The following GTF2H5 variants were observed in gnomAD, a reference collection of about 807,000 sequenced individuals.
The protein encoded by GTF2H5 is general transcription factor IIH subunit 5, also known as TFB5 ortholog.
Under a neutral mutation model 7.1 loss-of-function variants are expected in GTF2H5, and 5 were observed. That is an observed-to-expected ratio of 0.71 (90% CI 0.37 to 1.49). The LOEUF (loss-of-function observed/expected upper bound fraction) is 1.49, where lower values mean the gene tolerates loss of function less well. Among genes scored for constraint, GTF2H5 ranks in the 40% most tolerant of loss-of-function variants. GTF2H5 has a pLI of 0.03. For synonymous variants in GTF2H5, 30 were observed against 31.7 expected, an observed-to-expected ratio of 0.95 and a Z score of 0.18; for missense variants, 80 against 83.0, an observed-to-expected ratio of 0.96 and a Z score of 0.14.
intron 1 of GTF2H5, among the ~76,000 whole-genome samples, chr6:158,169,151 T>G (rs2128427719): frequency 6.7e-6 from 1 of 149,262 alleles, no homozygotes; most frequent in Middle Eastern, 3.4e-3. Context: ...GGAGAATCGC[T>G]TGAGCCCGGG....
intron 2 of GTF2H5, among the ~76,000 whole-genome samples, chr6:158,182,050 G>A (rs2128430640): frequency 6.6e-6 from 1 of 152,322 alleles, no homozygotes; most frequent in South Asian, 2.1e-4. Context: ...TCCTTCAGGA[G>A]CTCTTGTAAG....
At chr6:158,186,464 T>A (rs1776921673) in intron 2 of GTF2H5, among the ~76,000 whole-genome samples, 1 of 152,276 alleles carries the variant, frequency 6.6e-6, no homozygotes, top group African/African-American at 2.4e-5. Flanking sequence ...ACAGCAATGT[T>A]TCAATGTCCA....
chr6:158,169,418 ATATATAATATATTG>A (rs1450819991), intron 1 of GTF2H5, among the ~76,000 whole-genome samples: 1 of 89,748 alleles, frequency 1.1e-5, no homozygotes, highest in Non-Finnish European at 1.9e-5. Flanking sequence ...ATTATATATT[ATATATAATATATTG>A]TATATTATAT....
chr6:158,187,063 C>T (rs890448624), intron 2 of GTF2H5, among the ~76,000 whole-genome samples: 1 of 150,978 alleles, frequency 6.6e-6, no homozygotes, highest in Non-Finnish European at 1.5e-5. Context: ...GGTGTGATCT[C>T]GGCCCACTAC....
At chr6:158,188,006 G>C (rs1776958709) in intron 2 of GTF2H5, among the ~76,000 whole-genome samples, 1 of 152,202 alleles carries the variant, frequency 6.6e-6, no homozygotes. Context: ...TAGCCAAGGG[G>C]AGGGTCCATC....
intron 2 of GTF2H5, among the ~76,000 whole-genome samples, chr6:158,182,397 A>G (rs1320876192): frequency 6.6e-6 from 1 of 151,986 alleles, no homozygotes; most frequent in African/African-American, 2.4e-5. Context: ...TGTTCTCTGT[A>G]TTTCCCGAAT....
chr6:158,175,044 G>GTGTGTATATATATGTGTGTGTGTGTA, intron 2 of GTF2H5, among the ~76,000 whole-genome samples: 1 of 142,794 alleles, frequency 7.0e-6, no homozygotes, highest in Admixed American at 7.1e-5. Context: ...GTGTGTGTGT[G>GTGTGTATATATATGTGTGTGTGTGTA]TATACACACA....
Position 158,194,349 on chromosome 6 carries a change from A to C in GTF2H5, c.*2192A>C, listed in dbSNP as rs1176509244. 6.6e-6 allele frequency: 1 copy of C among 152,238 alleles called. No individual in the cohort carries two copies. Among genetic ancestry groups the C allele is most frequent in the East Asian group, 1.9e-4 (1 of 5,206 alleles). 9.4% of individuals were successfully genotyped at this position (152,238 alleles called of 1,614,324 possible). A position where few individuals can be genotyped will look rare whatever the true frequency, so the allele number is the denominator to read the frequency against. Reference sequence around the variant, plus strand: ...CTTGGAATTCTCTCAGCTCCGAGGAAGGGGCTTGATTTTCCTTTATACTTT... The same window carrying C: ...CTTGGAATTCTCTCAGCTCCGAGGACGGGGCTTGATTTTCCTTTATACTTT... On this transcript the variant is annotated 3_prime_UTR_variant, in exon 3 of 3. Transcript: ENST00000607778.
In GTF2H5 at chr6:158,196,399, G is replaced by A. The variant is rs1428671183; in HGVS notation, c.*4242G>A. The A allele has an allele frequency of 6.6e-6, 1 of 152,160 alleles. No homozygotes were observed. The highest frequency in any genetic ancestry group is 1.5e-5 in the Non-Finnish European group (1 of 68,024). 9.4% of individuals were successfully genotyped at this position (152,160 alleles called of 1,614,324 possible). A position where few individuals can be genotyped will look rare whatever the true frequency, so the allele number is the denominator to read the frequency against. ...GATGTTTCGTTGATTGGATTTCTTT[G>A]TGCTCATTTGTGTAAACAGGAATGC... On this transcript the variant is annotated 3_prime_UTR_variant, in exon 3 of 3. Coordinates refer to ENST00000607778, the MANE Select transcript of GTF2H5 (RefSeq NM_207118.3).
chr6:158,180,685 T>A (rs900716591), intron 2 of GTF2H5, among the ~76,000 whole-genome samples: 7 of 152,194 alleles, frequency 4.6e-5, no homozygotes, highest in African/African-American at 1.7e-4. Context: ...CTGATGGTAG[T>A]TTATATTTCT....
At chr6:158,175,044 G>GTGTATATATGTGTGTGTGTGTGTGTGTA in intron 2 of GTF2H5, among the ~76,000 whole-genome samples, 57 of 142,850 alleles carry the variant, frequency 4.0e-4, no homozygotes, top group Admixed American at 2.4e-3. Flanking sequence ...GTGTGTGTGT[G>GTGTATATATGTGTGTGTGTGTGTGTGTA]TATACACACA....
intron 2 of GTF2H5, among the ~76,000 whole-genome samples, chr6:158,181,218 G>T (rs1443056848): frequency 1.3e-5 from 2 of 152,166 alleles, no homozygotes; most frequent in Non-Finnish European, 2.9e-5. Flanking sequence ...TAATTTGATT[G>T]CACTGTGGTC....
chr6:158,175,044 G>GTATATATGTGTGTGTGTGTGTGTGTA (rs1554267664), intron 2 of GTF2H5, among the ~76,000 whole-genome samples: 82 of 142,846 alleles, frequency 5.7e-4, no homozygotes, highest in Admixed American at 5.0e-3. Context: ...GTGTGTGTGT[G>GTATATATGTGTGTGTGTGTGTGTGTA]TATACACACA....
intron 2 of GTF2H5, among the ~76,000 whole-genome samples, chr6:158,186,165 A>G (rs1455460413): frequency 6.6e-6 from 1 of 152,246 alleles, no homozygotes; most frequent in African/African-American, 2.4e-5. Context: ...GTTACAAGAG[A>G]TGGCTAAAAT....
intron 1 of GTF2H5, among the ~76,000 whole-genome samples, chr6:158,169,342 GTATATTATATATAATACA>G (rs1451201271): frequency 3.8e-4 from 36 of 95,120 alleles, no homozygotes; most frequent in Non-Finnish European, 3.7e-4. Flanking sequence ...TATATAATAC[GTATATTATATATAATACA>G]TATATATAAT....
intron 2 of GTF2H5, among the ~76,000 whole-genome samples, chr6:158,176,563 A>C (rs1785936723): frequency 6.6e-6 from 1 of 152,170 alleles, no homozygotes; most frequent in Non-Finnish European, 1.5e-5. Flanking sequence ...ATGTCTTAGA[A>C]TTATACCATA....
intron 1 of GTF2H5, among the ~76,000 whole-genome samples, chr6:158,168,988 C>T (rs908281810): frequency 7.9e-5 from 12 of 152,064 alleles, no homozygotes; most frequent in Non-Finnish European, 8.8e-5. Context: ...TGTCCCAGCA[C>T]TTTGGGAGGC....
chr6:158,169,957 G>A (rs1426065303), intron 1 of GTF2H5, among the ~76,000 whole-genome samples: 2 of 150,636 alleles, frequency 1.3e-5, no homozygotes, highest in Non-Finnish European at 2.9e-5. Context: ...GAGGCAAGAG[G>A]TTGCAGGGAG....
chr6:158,169,530 GTATATTA>G (rs1476728423), intron 1 of GTF2H5, among the ~76,000 whole-genome samples: 3 of 72,780 alleles, frequency 4.1e-5, no homozygotes, highest in Non-Finnish European at 7.0e-5. Flanking sequence ...ATAATATACA[GTATATTA>G]TATATAATAT....
Sources: allele counts gnomAD v4.1 joint callset (sites outside exome capture counted in the v4.1 genomes callset), GRCh38; gene constraint gnomAD v4.1.1; transcripts MANE v1.5; gene names NCBI Gene and HGNC (gene_info 2026-07-23, HGNC 2026-07-21).